Variants in CAMK4 observed in about 807,000 individuals in gnomAD.
CAMK4 encodes the protein calcium/calmodulin dependent protein kinase IV, also known as calcium/calmodulin-dependent protein kinase type IV.
Under a neutral mutation model 44.9 loss-of-function variants are expected in CAMK4, and 22 were observed. That is an observed-to-expected ratio of 0.49 (90% CI 0.35 to 0.70). The LOEUF (loss-of-function observed/expected upper bound fraction) is 0.70. CAMK4 is among the 30% of genes least tolerant of loss of function. The pLI is 0.01. For synonymous variants in CAMK4, 218 were observed against 215.4 expected (o/e 1.01, Z -0.11); for missense variants, 498 against 586.8 (o/e 0.85, Z 1.56).
In CAMK4 at chr5:111,420,228, A is replaced by G. The variant is rs376595029; in HGVS notation, c.459+25446A>G. ...CAATTGTGAATGGGAGTTCACTCAT[A>G]ATTTGGCTCTCTGTCTGTTATTGGT... On this transcript the variant is annotated intron_variant, in intron 5 of 10. Transcript: ENST00000282356. Among the ~76,000 whole-genome samples, 51 of 151,874 alleles carry G rather than the reference A, an allele frequency of 3.4e-4. No homozygotes were observed. The East Asian group carries it at 8.1e-3, about 24-fold the overall frequency.
At chr5:111,349,239 G>C (rs1369133835) in intron 2 of CAMK4, among the ~76,000 whole-genome samples, 1 of 151,822 alleles carries the variant, frequency 6.6e-6, no homozygotes, top group African/African-American at 2.4e-5. Context: ...ACATTATCTT[G>C]TATATATTGT....
intron 8 of CAMK4, among the ~76,000 whole-genome samples, 191 bp downstream of exon 8, chr5:111,473,577 G>T (rs1755138907): frequency 6.6e-6 from 1 of 152,106 alleles, no homozygotes; most frequent in South Asian, 2.1e-4. Context: ...ATTTTCTTGA[G>T]ACCGGAATTC....
At chr5:111,411,008 G>C (rs1295774529) in intron 5 of CAMK4, among the ~76,000 whole-genome samples, 2 of 151,864 alleles carry the variant, frequency 1.3e-5, no homozygotes, top group Non-Finnish European at 2.9e-5. Context: ...TTTTTTTGTT[G>C]TGTTCAATGA....
At chr5:111,229,662 A>T (rs1748369025) in intron 1 of CAMK4, among the ~76,000 whole-genome samples, 1 of 152,188 alleles carries the variant, frequency 6.6e-6, no homozygotes. Flanking sequence ...CTGGGTAGGT[A>T]TACTGCTGGC....
At chr5:111,345,056 G>A (rs546030875) in intron 2 of CAMK4, among the ~76,000 whole-genome samples, 1 of 148,496 alleles carries the variant, frequency 6.7e-6, no homozygotes, top group Admixed American at 6.7e-5. Flanking sequence ...ACATTTTTAG[G>A]CCAAGGAATT....
At chr5:111,242,944 C>A (rs1749069613) in intron 1 of CAMK4, among the ~76,000 whole-genome samples, 2 of 152,142 alleles carry the variant, frequency 1.3e-5, no homozygotes, top group Non-Finnish European at 2.9e-5. Context: ...ATGCAGGCAG[C>A]CTGATGCTCT....
intron 1 of CAMK4, among the ~76,000 whole-genome samples, chr5:111,335,731 A>G (rs383360): frequency 0.5 from 75,145 of 150,870 alleles, 19,491 homozygotes; most frequent in African/African-American, 0.64. Context: ...TTTGGCATGC[A>G]GTGCCAGGTA....
chr5:111,253,955 A>C (rs78457300), intron 1 of CAMK4, among the ~76,000 whole-genome samples: 3 of 152,218 alleles, frequency 2.0e-5, no homozygotes, highest in Admixed American at 2.0e-4. Flanking sequence ...AATGTTATAT[A>C]TAAGCATTTT....
intron 1 of CAMK4, among the ~76,000 whole-genome samples, chr5:111,279,258 G>T (rs1383622648): frequency 2.0e-5 from 3 of 152,180 alleles, no homozygotes; most frequent in East Asian, 1.9e-4. Flanking sequence ...CCAGGCCAAA[G>T]TTCAAAGGGA....
intron 7 of CAMK4, among the ~76,000 whole-genome samples, chr5:111,449,408 A>G (rs1246037022): frequency 6.6e-6 from 1 of 152,198 alleles, no homozygotes; most frequent in Admixed American, 6.5e-5. Flanking sequence ...GTTTTAGGGC[A>G]CTGCTGTTAG....
chr5:111,323,809 T>C (rs1748761898), intron 1 of CAMK4, among the ~76,000 whole-genome samples: 1 of 152,084 alleles, frequency 6.6e-6, no homozygotes, highest in Admixed American at 6.6e-5. Context: ...TTCAGATTTA[T>C]AGAAATCAGT....
chr5:111,252,547 CTA>C (rs913236785), intron 1 of CAMK4, among the ~76,000 whole-genome samples: 6 of 152,100 alleles, frequency 3.9e-5, no homozygotes, highest in African/African-American at 1.4e-4. Context: ...AAAAAATATC[CTA>C]TGAGTCTTAT....
chr5:111,349,647 T>A (rs568543931), intron 2 of CAMK4, among the ~76,000 whole-genome samples: 7 of 152,118 alleles, frequency 4.6e-5, no homozygotes, highest in African/African-American at 1.7e-4. Context: ...ATCATTATGA[T>A]GATGGAGTCT....
rs377443904 is a variant in CAMK4 at position 111,321,592 on chromosome 5, C to T, written c.162-22432C>T. Among the ~76,000 whole-genome samples, 26 of 152,194 alleles carry T rather than the reference C, an allele frequency of 1.7e-4. No homozygotes were observed. In the East Asian group the frequency reaches 4.6e-3, roughly 27 times the overall value. On this transcript the variant is annotated intron_variant, in intron 1 of 10. Coordinates refer to ENST00000282356, the MANE Select transcript of CAMK4 (RefSeq NM_001744.6). ...TCAGCCATCTGGTATAGCTCTCAGCCACATGAATCCTTTAGAAACAGCAGT... is the reference window on the plus strand; with the variant it reads ...TCAGCCATCTGGTATAGCTCTCAGCTACATGAATCCTTTAGAAACAGCAGT...
At chr5:111,443,277 TATACACACACACAC>T (rs1302181886) in intron 5 of CAMK4, among the ~76,000 whole-genome samples, 58 of 40,878 alleles carry the variant, frequency 1.4e-3, no homozygotes, top group African/African-American at 3.1e-3. Flanking sequence ...TATATATATA[TATACACACACACAC>T]ACACACACAC....
Position 111,449,122 on chromosome 5 carries a change from T to G in CAMK4, c.551-7T>G. ...TGCTTCATTAAATTTTTTTCTTGTG[T>G]TATTAGCTGATTTTGGACTCTCTAA... On this transcript the variant is annotated splice_polypyrimidine_tract_variant and splice_region_variant and intron_variant, in intron 6 of 10. Coordinates refer to ENST00000282356, the MANE Select transcript of CAMK4 (RefSeq NM_001744.6). The G allele has an allele frequency of 7.1e-7, 1 of 1,400,074 alleles. No individual in the cohort carries two copies. Among genetic ancestry groups the G allele is most frequent in the Non-Finnish European group, 1.0e-6 (1 of 995,646 alleles). 86.7% of individuals were successfully genotyped at this position (1,400,074 alleles called of 1,614,324 possible).
rs1350693032 is a variant in CAMK4 at position 111,482,660 on chromosome 5, T to A, written c.829-125T>A. On this transcript the variant is annotated intron_variant, in intron 9 of 10. Coordinates refer to ENST00000282356, the MANE Select transcript of CAMK4 (RefSeq NM_001744.6). This position sits in a 1 kb window ranked among gnomAD's most constrained non-coding sequence, Gnocchi z 4.9. ...AGTGGCCCCTGAGGACTTAAACAATTTTTTTCTCACATATATTTAGTGGTA... is the reference window on the plus strand; with the variant it reads ...AGTGGCCCCTGAGGACTTAAACAATATTTTTCTCACATATATTTAGTGGTA... The A allele has an allele frequency of 1.1e-5, 8 of 755,848 alleles. No individual in the cohort carries two copies. The Admixed American group carries it at 2.0e-4, about 19-fold the overall frequency. 46.8% of individuals were successfully genotyped at this position (755,848 alleles called of 1,614,324 possible).
At chr5:111,316,638 C>T (rs1179088631) in intron 1 of CAMK4, among the ~76,000 whole-genome samples, 1 of 151,928 alleles carries the variant, frequency 6.6e-6, no homozygotes, top group East Asian at 1.9e-4. Context: ...CCTGCAACTG[C>T]GTTATTTGTT....
At chr5:111,360,966 A>G (rs1312550917) in intron 2 of CAMK4, among the ~76,000 whole-genome samples, 2 of 152,074 alleles carry the variant, frequency 1.3e-5, no homozygotes, top group Non-Finnish European at 1.5e-5. Flanking sequence ...TTTTGGTTCA[A>G]CATTAATTTC....
Sources: gnomAD v4.1 joint callset for allele counts (sites outside exome capture counted in the v4.1 genomes callset) on GRCh38, gnomAD v4.1.1 for gene constraint, Gnocchi (gnomAD v3.1) non-coding constraint, MANE v1.5 for transcripts, NCBI Gene and HGNC (gene_info 2026-07-23, HGNC 2026-07-21) for gene names.